The following RALYL variants were observed in gnomAD, a reference collection of about 807,000 sequenced individuals.
RALYL encodes the protein RALY RNA binding protein like, also known as RNA-binding Raly-like protein.
Under a neutral mutation model 35.1 loss-of-function variants are expected in RALYL, and 29 were observed. The observed-to-expected ratio is 0.83, with a 90% CI of 0.61 to 1.13. The LOEUF is 1.13. RALYL is among the 50% of genes most tolerant of loss of function. The pLI is 0.00. For missense variants in RALYL, 359 were observed against 360.4 expected (o/e 1.00, Z 0.03); for synonymous variants, 120 against 127.6 (o/e 0.94, Z 0.40).
intron 7 of RALYL, among the ~76,000 whole-genome samples, chr8:84,877,747 C>G (rs1158365288): frequency 2.0e-5 from 3 of 152,088 alleles, no homozygotes; most frequent in Non-Finnish European, 4.4e-5. Context: ...TCTCTCTTCT[C>G]TAGTCATTAT....
At chr8:84,913,019 GA>G (rs1847767461) in intron 8 of RALYL, among the ~76,000 whole-genome samples, 1 of 136,588 alleles carries the variant, frequency 7.3e-6, no homozygotes, top group African/African-American at 2.9e-5. Context: ...TGGATGGATG[GA>G]TGGATGGATG....
chr8:84,429,006 T>C (rs375567696), intron 1 of RALYL, among the ~76,000 whole-genome samples: 136 of 152,286 alleles, frequency 8.9e-4, no homozygotes, highest in African/African-American at 3.2e-3. Flanking sequence ...TTTATAGAGA[T>C]TTCCCCATTG....
chr8:84,183,801 G>A lies in RALYL; in HGVS notation c.-647G>A, dbSNP rs549361824. On this transcript the variant is annotated 5_prime_UTR_variant, in exon 1 of 9. Transcript: ENST00000521268. ...AAGGCGCTGTGTCTCGGAGTCCGCG[G>A]CGACCGTGCCCGCTGGGAGCGTCTC... The A allele has an allele frequency of 6.6e-6, 1 of 152,586 alleles. No homozygotes were observed. Among genetic ancestry groups the A allele is most frequent in the African/African-American group, 2.4e-5 (1 of 41,516 alleles). The allele number at this position is 152,586 out of a possible 1,614,324, so 9.5% of individuals were successfully genotyped here. A position where few individuals can be genotyped will look rare whatever the true frequency, so the allele number is the denominator to read the frequency against.
chr8:84,682,477 T>G (rs1232544841), intron 2 of RALYL, among the ~76,000 whole-genome samples: 4 of 151,728 alleles, frequency 2.6e-5, no homozygotes, highest in African/African-American at 9.7e-5. Context: ...TCCTGGACGT[T>G]TTTTGGTTGG....
chr8:84,433,251 A>T (rs1265930640), intron 1 of RALYL, among the ~76,000 whole-genome samples: 1 of 152,152 alleles, frequency 6.6e-6, no homozygotes, highest in East Asian at 1.9e-4. Flanking sequence ...CTCAGCCAGT[A>T]GCACATTCAC....
At chr8:84,353,722 G>T (rs1851331915) in intron 1 of RALYL, among the ~76,000 whole-genome samples, 1 of 150,182 alleles carries the variant, frequency 6.7e-6, no homozygotes, top group Non-Finnish European at 1.5e-5. Context: ...ACCTAAAAAG[G>T]GTGTTTTGGT....
intron 1 of RALYL, among the ~76,000 whole-genome samples, chr8:84,342,204 T>A (rs866064894): frequency 2.1e-5 from 3 of 144,224 alleles, no homozygotes; most frequent in African/African-American, 5.2e-5. Flanking sequence ...AATCTATTAA[T>A]GTCAGTCAAG....
chr8:84,895,376 T>C (rs1844573540), intron 8 of RALYL, among the ~76,000 whole-genome samples: 1 of 152,078 alleles, frequency 6.6e-6, no homozygotes, highest in Non-Finnish European at 1.5e-5. Context: ...CAGAAAGACT[T>C]TGTTAAGTCT....
chr8:84,893,010 G>A (rs1202635844), intron 8 of RALYL, among the ~76,000 whole-genome samples: 1 of 152,118 alleles, frequency 6.6e-6, no homozygotes, highest in Non-Finnish European at 1.5e-5. Flanking sequence ...AAATAAGAAA[G>A]ATATGAACTA....
intron 1 of RALYL, among the ~76,000 whole-genome samples, chr8:84,210,603 C>T (rs149005388): frequency 2.3e-4 from 35 of 152,078 alleles, no homozygotes; most frequent in East Asian, 1.2e-3. Flanking sequence ...TCTACCAGTG[C>T]GGAAAATTCA....
chr8:84,409,944 C>T (rs999063343), intron 1 of RALYL, among the ~76,000 whole-genome samples: 9 of 151,732 alleles, frequency 5.9e-5, no homozygotes, highest in South Asian at 2.1e-4. Context: ...ATTATTTGAC[C>T]GAGAATGGAA....
At chr8:84,436,421 T>A (rs1275502258) in intron 1 of RALYL, among the ~76,000 whole-genome samples, 1 of 152,016 alleles carries the variant, frequency 6.6e-6, no homozygotes, top group Non-Finnish European at 1.5e-5. Context: ...GCCTATCCCC[T>A]TTTTTATGAG....
chr8:84,471,153 CA>C (rs1197945370), intron 1 of RALYL, among the ~76,000 whole-genome samples: 2 of 152,148 alleles, frequency 1.3e-5, no homozygotes, highest in Non-Finnish European at 2.9e-5. Flanking sequence ...ATTTCTTGGA[CA>C]GAGAAAGTCA....
chr8:84,847,330 G>A (rs1297263933), intron 4 of RALYL, among the ~76,000 whole-genome samples: 1 of 152,190 alleles, frequency 6.6e-6, no homozygotes, highest in Non-Finnish European at 1.5e-5. Context: ...GCCATTCAGG[G>A]CTGGGAATTA....
chr8:84,529,380 A>T lies in RALYL; in HGVS notation c.59A>T (p.Asn20Ile). The change falls in exon 2 of 9, where the codon AAC becomes ATC. Residue 20 changes from asparagine to isoleucine, a missense_variant. Coordinates refer to ENST00000521268, the MANE Select transcript of RALYL (RefSeq NM_173848.7). ...VTNKNDPKSI[N>I]SRVFIGNLNT... The stretch of plus-strand genomic sequence containing the variant: ...AATAAGAATGACCCCAAGTCCATCA[A>T]CTCCCGTGTTTTCATCGGCAATCTA... The T allele has an allele frequency of 6.2e-7, 1 of 1,608,420 alleles. No homozygotes were observed. The highest frequency in any genetic ancestry group is 8.5e-7 in the Non-Finnish European group (1 of 1,177,070).
intron 1 of RALYL, among the ~76,000 whole-genome samples, chr8:84,466,657 TAAA>T (rs994983119): frequency 2.6e-5 from 4 of 151,464 alleles, no homozygotes; most frequent in Non-Finnish European, 1.5e-5. Context: ...GCTGGCCTCA[TAAA>T]ATGAGTTAGG....
intron 2 of RALYL, among the ~76,000 whole-genome samples, chr8:84,560,072 A>T (rs892426274): frequency 2.0e-5 from 3 of 151,732 alleles, no homozygotes; most frequent in African/African-American, 7.3e-5. Flanking sequence ...TATAATTTCC[A>T]TGAGAAGACT....
At chr8:84,239,680 C>T (rs752604782) in intron 1 of RALYL, among the ~76,000 whole-genome samples, 1 of 152,064 alleles carries the variant, frequency 6.6e-6, no homozygotes, top group Non-Finnish European at 1.5e-5. Context: ...CATCTGAGAT[C>T]AGGAGTTCCA....
chr8:84,241,951 TAGACATTA>T (rs1321479797), intron 1 of RALYL, among the ~76,000 whole-genome samples: 2 of 152,102 alleles, frequency 1.3e-5, no homozygotes, highest in Admixed American at 1.3e-4. Context: ...ACCCATCACC[TAGACATTA>T]AGCCCAGCAT....
Sources: allele counts gnomAD v4.1 joint callset (sites outside exome capture counted in the v4.1 genomes callset), GRCh38; gene constraint gnomAD v4.1.1; transcripts MANE v1.5; gene names NCBI Gene and HGNC (gene_info 2026-07-23, HGNC 2026-07-21).